The following RNF180 variants were observed in gnomAD, a reference collection of about 807,000 sequenced individuals.
RNF180 encodes ring finger protein 180, also known as E3 ubiquitin-protein ligase RNF180.
RNF180 carries 38 observed loss-of-function variants against 59.2 expected under a neutral mutation model. The ratio of observed to expected loss-of-function variants is 0.64; its 90% CI spans 0.50 to 0.84. The LOEUF is 0.84. Ranked by LOEUF, RNF180 falls within the 40% of genes least tolerant of loss-of-function variation. The probability of loss-of-function intolerance (pLI) is 0.00; values close to 1 mark genes in which losing one functional copy is unlikely to be tolerated. For missense variants in RNF180, 705 were observed against 700.9 expected (o/e 1.01, Z -0.07); for synonymous variants, 262 against 240.3 (o/e 1.09, Z -0.84).
chr5:64,239,804 T>G (rs978323322), intron 5 of RNF180, among the ~76,000 whole-genome samples: 4 of 152,136 alleles, frequency 2.6e-5, no homozygotes, highest in African/African-American at 7.2e-5. Flanking sequence ...ACTTTGCAAA[T>G]TCATTGTTTC....
chr5:64,267,983 G>C (rs2112341618), intron 5 of RNF180, among the ~76,000 whole-genome samples: 1 of 152,192 alleles, frequency 6.6e-6, no homozygotes, highest in South Asian at 2.1e-4. Flanking sequence ...AATTATGTTT[G>C]TAATTATTTT....
chr5:64,335,462 T>C (rs1454127180), intron 7 of RNF180, among the ~76,000 whole-genome samples: 1 of 152,072 alleles, frequency 6.6e-6, no homozygotes, highest in Non-Finnish European at 1.5e-5. Context: ...TTAATTTTTT[T>C]TTTATTGATT....
chr5:64,367,907 A>G (rs1203229324), intron 7 of RNF180, among the ~76,000 whole-genome samples: 1 of 151,702 alleles, frequency 6.6e-6, no homozygotes, highest in Non-Finnish European at 1.5e-5. Context: ...AAAGATTAAT[A>G]GGTTATCAGT....
In RNF180 at chr5:64,202,624, T is replaced by G. The variant is rs146009021; in HGVS notation, c.135+1682T>G. ...CATATGAGAATTCCAGTTACATCTT[T>G]GCCAATACTTAGTATTTTCCGTCTT... On this transcript the variant is annotated intron_variant, in intron 2 of 7. Transcript: ENST00000389100. Among the ~76,000 whole-genome samples the G allele has an allele frequency of 5.6e-4, 85 of 152,330 alleles. No individual in the cohort carries two copies. In the East Asian group the frequency reaches 0.013, roughly 24 times the overall value.
At chr5:64,349,262 G>C (rs1008550670) in intron 7 of RNF180, among the ~76,000 whole-genome samples, 1 of 151,874 alleles carries the variant, frequency 6.6e-6, no homozygotes, top group Non-Finnish European at 1.5e-5. Context: ...CATTAATGAG[G>C]GTTGCTTATT....
chr5:64,217,395 T>G lies in RNF180; in HGVS notation c.1226T>G (p.Met409Arg). Residue 409 changes from methionine to arginine, a missense_variant and splice_region_variant, in exon 5 of 8, where the codon ATG becomes AGG. Met to Arg is a moderately conservative substitution (Grantham distance 91, BLOSUM62 -1). Coordinates refer to ENST00000389100, the MANE Select transcript of RNF180 (RefSeq NM_001113561.2). The part of the protein sequence containing the change: ...KYSGVGLLDH[M>R]TLNNEMSTDE... ...TCAGGAGTGGGATTGCTGGATCATATGGTAAGTATATATTTACTTATATGA... is the reference window on the plus strand; with the variant it reads ...TCAGGAGTGGGATTGCTGGATCATAGGGTAAGTATATATTTACTTATATGA... 1 of 1,416,250 alleles carries G rather than the reference T, an allele frequency of 7.1e-7. No individual in the cohort carries two copies. The allele number at this position is 1,416,250 out of a possible 1,614,324, so 87.7% of individuals were successfully genotyped here.
At chr5:64,368,814 G>A (rs1309409494) in intron 7 of RNF180, among the ~76,000 whole-genome samples, 2 of 151,876 alleles carry the variant, frequency 1.3e-5, no homozygotes, top group Non-Finnish European at 2.9e-5. Flanking sequence ...GAAACAACAG[G>A]TGCTGGAGAG....
chr5:64,190,909 G>T (rs1751115807), intron 1 of RNF180, among the ~76,000 whole-genome samples: 1 of 152,280 alleles, frequency 6.6e-6, no homozygotes, highest in African/African-American at 2.4e-5. Flanking sequence ...CCCCTAGTCT[G>T]TGGTATTCTG....
chr5:64,278,615 C>A (rs143494329), intron 5 of RNF180, among the ~76,000 whole-genome samples: 3 of 152,178 alleles, frequency 2.0e-5, no homozygotes, highest in Non-Finnish European at 4.4e-5. Flanking sequence ...ATGGAAGAAT[C>A]TAAAATGATT....
intron 5 of RNF180, among the ~76,000 whole-genome samples, chr5:64,287,284 T>C (rs1244077158): frequency 6.6e-6 from 1 of 152,156 alleles, no homozygotes; most frequent in African/African-American, 2.4e-5. Context: ...TTTTACATTG[T>C]TAAATCTACT....
At position 64,245,592 on chromosome 5, in the gene RNF180, T is replaced by C. The variant is rs1269647803; in HGVS notation, c.1227+28196T>C. Among the ~76,000 whole-genome samples, 2 of 152,158 alleles carry C rather than the reference T, an allele frequency of 1.3e-5. 1 individual carries two copies. The highest frequency in any genetic ancestry group is 3.8e-4 in the East Asian group (2 of 5,196). ...CTATCCTAAATATATATGCACCCAA[T>C]ATGGGAGCACCAAGATTCATAAAGC... is the stretch of plus-strand genomic sequence containing the variant. On this transcript the variant is annotated intron_variant, in intron 5 of 7. Coordinates refer to ENST00000389100, the MANE Select transcript of RNF180 (RefSeq NM_001113561.2).
At chr5:64,307,232 T>C (rs1743520500) in intron 5 of RNF180, among the ~76,000 whole-genome samples, 1 of 150,896 alleles carries the variant, frequency 6.6e-6, no homozygotes, top group Non-Finnish European at 1.5e-5. Flanking sequence ...ATATATTGGG[T>C]AGTCATTATT....
At chr5:64,360,911 C>G (rs920832496) in intron 7 of RNF180, among the ~76,000 whole-genome samples, 1 of 151,532 alleles carries the variant, frequency 6.6e-6, no homozygotes, top group Non-Finnish European at 1.5e-5. Context: ...TCTAAGCTTA[C>G]AAAACTCAAA....
chr5:64,351,433 A>G (rs535408105), intron 7 of RNF180, among the ~76,000 whole-genome samples: 156 of 152,182 alleles, frequency 1.0e-3, no homozygotes, highest in African/African-American at 3.6e-3. Flanking sequence ...AGAACTTCCA[A>G]CCCTATGTTG....
At chr5:64,278,109 C>G (rs988144529) in intron 5 of RNF180, among the ~76,000 whole-genome samples, 2 of 152,156 alleles carry the variant, frequency 1.3e-5, no homozygotes, top group Admixed American at 1.3e-4. Context: ...CTTGCCATCA[C>G]TCAACTAGTT....
intron 5 of RNF180, among the ~76,000 whole-genome samples, chr5:64,244,800 G>C (rs1743050551): frequency 1.3e-5 from 2 of 152,088 alleles, no homozygotes; most frequent in South Asian, 2.1e-4. Flanking sequence ...GATTCACCAA[G>C]GTTGAAATGA....
intron 5 of RNF180, among the ~76,000 whole-genome samples, chr5:64,317,771 A>G (rs900638212): frequency 3.3e-5 from 5 of 149,876 alleles, no homozygotes; most frequent in Admixed American, 6.7e-5. Flanking sequence ...TCAATTTTCT[A>G]TGGGTTTTTG....
In RNF180 at chr5:64,212,101, C is replaced by A. The variant is rs1324984962; in HGVS notation, c.172C>A (p.His58Asn). Residue 58 changes from histidine (H) to asparagine (N), a missense_variant, in exon 3 of 8, where the codon CAT (histidine) becomes AAT (asparagine). Coordinates refer to ENST00000389100, the MANE Select transcript of RNF180 (RefSeq NM_001113561.2). ...DDSVDAQNIC[H>N]VWHMNVEALP... ...TTCAGTTGATGCTCAAAATATTTGT[C>A]ATGTGTGGCACATGAATGTAGAAGC... is the stretch of plus-strand genomic sequence containing the variant. 1 of 1,606,440 alleles carries A rather than the reference C, an allele frequency of 6.2e-7. No individual in the cohort carries two copies. Among genetic ancestry groups the A allele is most frequent in the Non-Finnish European group, 8.5e-7 (1 of 1,173,380 alleles).
intron 5 of RNF180, among the ~76,000 whole-genome samples, chr5:64,277,926 T>C (rs888924673): frequency 5.3e-5 from 8 of 152,184 alleles, no homozygotes; most frequent in African/African-American, 1.9e-4. Flanking sequence ...TTCTGCATTC[T>C]ATAATGGAGA....
Sources: allele counts gnomAD v4.1 joint callset (sites outside exome capture counted in the v4.1 genomes callset), GRCh38; gene constraint gnomAD v4.1.1; transcripts MANE v1.5; gene names NCBI Gene and HGNC (gene_info 2026-07-23, HGNC 2026-07-21).